Variants in PREX1 observed in about 807,000 individuals in gnomAD.
PREX1 encodes the protein phosphatidylinositol-3,4,5-trisphosphate dependent Rac exchange factor 1.
A neutral mutation model predicts 198.3 loss-of-function variants in PREX1; 41 were observed. The ratio of observed to expected loss-of-function variants is 0.21; its 90% CI spans 0.16 to 0.27. The LOEUF (loss-of-function observed/expected upper bound fraction) is 0.27. Among genes scored for constraint, PREX1 ranks in the 10% least tolerant of loss-of-function variants. The probability of loss-of-function intolerance (pLI) is 1.00; values close to 1 mark genes in which losing one functional copy is unlikely to be tolerated. For synonymous variants in PREX1, 843 were observed against 887.2 expected, an observed-to-expected ratio of 0.95 and a Z score of 0.89; for missense variants, 1,620 against 2,200.7, an observed-to-expected ratio of 0.74 and a Z score of 5.28.
intron 1 of PREX1, among the ~76,000 whole-genome samples, chr20:48,751,472 C>T (rs939035973): frequency 6.6e-6 from 1 of 152,208 alleles, no homozygotes; most frequent in African/African-American, 2.4e-5. Context: ...TGCAAACAAG[C>T]CGGTGTGAAG....
rs375497566 is a variant in PREX1, at chr20:48,646,779, C to A, written c.3306-722G>T. 1.8e-4 allele frequency among the ~76,000 whole-genome samples: 27 copies of A among 152,182 alleles called. 1 individual carries two copies. In the East Asian group the frequency reaches 2.5e-3, roughly 14 times the overall value. On this transcript the variant is annotated intron_variant, in intron 25 of 39. Transcript: ENST00000371941. ...CATCAATCCCCACTGTAGGGTGTGA[C>A]GGTTAAGAGCACAGGTTTTGAAGCT...
At chr20:48,681,773 GATGA>G (rs1249028449) in intron 10 of PREX1, among the ~76,000 whole-genome samples, 1 of 152,146 alleles carries the variant, frequency 6.6e-6, no homozygotes, top group African/African-American at 2.4e-5. Context: ...TGGGTAAGTG[GATGA>G]ATGAACAGAC....
chr20:48,696,388 C>A (rs2089845642), intron 7 of PREX1, among the ~76,000 whole-genome samples: 1 of 152,220 alleles, frequency 6.6e-6, no homozygotes, highest in Non-Finnish European at 1.5e-5. Flanking sequence ...TGACTGCTTA[C>A]ATGTGGGTCT....
chr20:48,853,177 TAGAA>T, the PREX1 span, among the ~76,000 whole-genome samples: 1 of 152,168 alleles, frequency 6.6e-6, no homozygotes, highest in Non-Finnish European at 1.5e-5. Flanking sequence ...TATACATAAA[TAGAA>T]AGACTCACCA....
At chr20:48,740,450 T>C (rs2122747713) in intron 3 of PREX1, among the ~76,000 whole-genome samples, 1 of 152,300 alleles carries the variant, frequency 6.6e-6, no homozygotes, top group Admixed American at 6.5e-5. Context: ...GCAACAAGGG[T>C]GCAAAGGCCT....
chr20:48,857,822 C>A, the PREX1 span, among the ~76,000 whole-genome samples: 1 of 152,264 alleles, frequency 6.6e-6, no homozygotes, highest in South Asian at 2.1e-4. Context: ...TAGTGGTGGT[C>A]AGTGAAGGGT....
chr20:48,625,667 G>A lies in PREX1; in HGVS notation c.*218C>T. On this transcript the variant is annotated 3_prime_UTR_variant, in exon 40 of 40. Coordinates refer to ENST00000371941, the MANE Select transcript of PREX1 (RefSeq NM_020820.4). ...CACCCCTCCAGCTTCTGGCAGGCGTGTGAAGAATGGGCCGGCCCAGGGCCA... is the reference window on the plus strand; with the variant it reads ...CACCCCTCCAGCTTCTGGCAGGCGTATGAAGAATGGGCCGGCCCAGGGCCA... The A allele has an allele frequency of 7.2e-6, 4 of 558,030 alleles. No individual in the cohort carries two copies. The South Asian group carries it at 1.0e-4, about 14-fold the overall frequency. The allele number at this position is 558,030 out of a possible 1,614,324, so 34.6% of individuals were successfully genotyped here.
At chr20:48,693,740 T>G (rs1301170323) in intron 7 of PREX1, among the ~76,000 whole-genome samples, 3 of 151,768 alleles carry the variant, frequency 2.0e-5, no homozygotes, top group Non-Finnish European at 1.5e-5. Flanking sequence ...CCCGAGTAAC[T>G]GGGACTACAG....
chr20:48,636,715 G>A lies in PREX1; in HGVS notation c.3947-32C>T, dbSNP rs113187284. ...GCAGAGGGCAGGAGGCCTTGCTGGAGGGGCGCTCCCGTGCCACCAGGAGGC... is the reference window on the plus strand; with the variant it reads ...GCAGAGGGCAGGAGGCCTTGCTGGAAGGGCGCTCCCGTGCCACCAGGAGGC... On this transcript the variant is annotated intron_variant, in intron 31 of 39. Coordinates refer to ENST00000371941, the MANE Select transcript of PREX1 (RefSeq NM_020820.4). 3.8e-3 allele frequency: 5,847 copies of A among 1,552,838 alleles called. 191 individuals carry two copies. The African/African-American group carries it at 0.07, about 19-fold the overall frequency.
At chr20:48,643,064 TG>T (rs986539936) in intron 27 of PREX1, among the ~76,000 whole-genome samples, 8 of 151,930 alleles carry the variant, frequency 5.3e-5, no homozygotes, top group Admixed American at 1.3e-4. Context: ...GAACCAAGGG[TG>T]GGGGGGAGAC....
intron 3 of PREX1, among the ~76,000 whole-genome samples, chr20:48,737,302 G>A (rs1193305109): frequency 2.7e-5 from 4 of 150,706 alleles, no homozygotes; most frequent in African/African-American, 4.9e-5. Flanking sequence ...GGAAAGCATC[G>A]GGAGGGTCCC....
At position 48,719,433 on chromosome 20, in the gene PREX1, G is replaced by A. The variant is rs549101154; in HGVS notation, c.621+6857C>T. 3.9e-5 allele frequency among the ~76,000 whole-genome samples: 6 copies of A among 152,180 alleles called. 1 individual carries two copies. The highest frequency in any genetic ancestry group is 4.2e-4 in the South Asian group (2 of 4,818). On this transcript the variant is annotated intron_variant, in intron 5 of 39. Coordinates refer to ENST00000371941, the MANE Select transcript of PREX1 (RefSeq NM_020820.4). ...TGGGCGAGGTGTTGGTGCTCGGCCCGAGAGACAGGATGAAGGGGTGGGCAC... is the reference window on the plus strand; with the variant it reads ...TGGGCGAGGTGTTGGTGCTCGGCCCAAGAGACAGGATGAAGGGGTGGGCAC...
intron 19 of PREX1, among the ~76,000 whole-genome samples, chr20:48,653,860 T>C (rs2089521634): frequency 2.0e-5 from 3 of 152,256 alleles, no homozygotes; most frequent in Admixed American, 2.0e-4. Context: ...GGCAAAGCCA[T>C]GCTCTCTAGG....
Position 48,765,147 on chromosome 20 carries a change from G to A in PREX1, c.220-17267C>T, listed in dbSNP as rs902746555. ...AACCTGTTGTATCTCCATGAATCAC[G>A]GCCAAACACAATCCTAATACTCTGT... On this transcript the variant is annotated intron_variant, in intron 1 of 39. Transcript: ENST00000371941. Among the ~76,000 whole-genome samples the A allele has an allele frequency of 7.2e-5, 11 of 152,226 alleles. No homozygotes were observed. In the East Asian group the frequency reaches 7.7e-4, roughly 11 times the overall value.
chr20:48,836,970 A>G, the PREX1 span, among the ~76,000 whole-genome samples: 1 of 151,932 alleles, frequency 6.6e-6, no homozygotes, highest in East Asian at 1.9e-4. Flanking sequence ...GCGACATAAA[A>G]AGAACTTACA....
intron 25 of PREX1, among the ~76,000 whole-genome samples, chr20:48,647,251 G>A (rs1468680713): frequency 6.6e-6 from 1 of 151,892 alleles, no homozygotes; most frequent in Non-Finnish European, 1.5e-5. Flanking sequence ...TGCTAGGCGT[G>A]GTGGCTCATA....
At chr20:48,794,100 T>G (rs2090350091) in intron 1 of PREX1, among the ~76,000 whole-genome samples, 1 of 152,090 alleles carries the variant, frequency 6.6e-6, no homozygotes, top group Non-Finnish European at 1.5e-5. Flanking sequence ...GACCCCCTTA[T>G]GAACACCCCC....
At chr20:48,861,329 G>A in the PREX1 span, among the ~76,000 whole-genome samples, 3 of 152,186 alleles carry the variant, frequency 2.0e-5, no homozygotes, top group African/African-American at 4.8e-5. Context: ...GCTGGACTTC[G>A]CAAGTTGTCC....
In PREX1 at chr20:48,701,881, G is replaced by C. The variant is rs184495342; in HGVS notation, c.784-995C>G. 1.3e-4 allele frequency among the ~76,000 whole-genome samples: 20 copies of C among 152,250 alleles called. No individual in the cohort carries two copies. In the East Asian group the frequency reaches 3.9e-3, roughly 29 times the overall value. ...GTTCCGGGCAGCGTGGCTGGGAAAG[G>C]CATCAGGGAGGAGTGAGCAGACCTT... On this transcript the variant is annotated intron_variant, in intron 6 of 39. Coordinates refer to ENST00000371941, the MANE Select transcript of PREX1 (RefSeq NM_020820.4).
Sources: allele counts gnomAD v4.1 joint callset (sites outside exome capture counted in the v4.1 genomes callset), GRCh38; gene constraint gnomAD v4.1.1; transcripts MANE v1.5; gene names NCBI Gene and HGNC (gene_info 2026-07-23, HGNC 2026-07-21).